PDE4B: variants seen among roughly 807,000 people sequenced by gnomAD.
PDE4B encodes the protein 3',5'-cyclic-AMP phosphodiesterase 4B.
A neutral mutation model predicts 82.2 loss-of-function variants in PDE4B; 20 were observed. That is an observed-to-expected ratio of 0.24 (90% confidence interval 0.17 to 0.35). PDE4B has a LOEUF of 0.35. PDE4B is among the 10% of genes least tolerant of loss of function. PDE4B has a pLI of 1.00. For synonymous variants in PDE4B, 320 were observed against 318.9 expected, an observed-to-expected ratio of 1.00 and a Z score of -0.04; for missense variants, 655 against 907.2, an observed-to-expected ratio of 0.72 and a Z score of 3.57.
At chr1:65,853,873 G>A (rs1394421936) in intron 1 of PDE4B, among the ~76,000 whole-genome samples, 1 of 152,086 alleles carries the variant, frequency 6.6e-6, no homozygotes, top group Non-Finnish European at 1.5e-5. Context: ...CTCAATCTGA[G>A]TTTGAAGGCA....
At chr1:66,220,739 G>A (rs1650913341) in intron 3 of PDE4B, among the ~76,000 whole-genome samples, 1 of 152,056 alleles carries the variant, frequency 6.6e-6, no homozygotes, top group Non-Finnish European at 1.5e-5. Flanking sequence ...GCTTTAGAAA[G>A]GTGCCTTAAA....
At chr1:66,342,536 A>G (rs1228797479) in intron 8 of PDE4B, among the ~76,000 whole-genome samples, 4 of 148,022 alleles carry the variant, frequency 2.7e-5, no homozygotes, top group African/African-American at 7.5e-5. Flanking sequence ...ATGATGAAAT[A>G]CTGTCTCTAA....
chr1:66,346,999 A>G (rs534987370), intron 8 of PDE4B, among the ~76,000 whole-genome samples: 1 of 152,290 alleles, frequency 6.6e-6, no homozygotes, highest in African/African-American at 2.4e-5. Flanking sequence ...TTCCAGACTC[A>G]GTTGAATTCT....
intron 9 of PDE4B, among the ~76,000 whole-genome samples, chr1:66,359,224 A>G (rs946695595): frequency 2.0e-5 from 3 of 152,254 alleles, no homozygotes; most frequent in Non-Finnish European, 4.4e-5. Flanking sequence ...GGAATTTTGC[A>G]TAATTGAAAA....
At chr1:66,031,373 G>A (rs1653766905) in intron 3 of PDE4B, among the ~76,000 whole-genome samples, 1 of 152,198 alleles carries the variant, frequency 6.6e-6, no homozygotes, top group South Asian at 2.1e-4. Context: ...GTCAAGGAAG[G>A]AAAGTGATTC....
intron 1 of PDE4B, among the ~76,000 whole-genome samples, chr1:65,838,541 GTATATATGTA>G (rs929589921): frequency 1.4e-5 from 2 of 138,874 alleles, no homozygotes; most frequent in Admixed American, 7.1e-5. Flanking sequence ...ATATGTATGT[GTATATATGTA>G]TATATATGTA....
In PDE4B at chr1:65,983,420, C is replaced by A. The variant is rs535436717; in HGVS notation, c.281+64585C>A. Among the ~76,000 whole-genome samples, 7 of 152,150 alleles carry A rather than the reference C, an allele frequency of 4.6e-5. No homozygotes were observed. In the South Asian group the frequency reaches 1.5e-3, roughly 32 times the overall value. On this transcript the variant is annotated intron_variant, in intron 3 of 16. Coordinates refer to ENST00000341517, the MANE Select transcript of PDE4B (RefSeq NM_002600.4). ...AGGATGGACGTTTATGGGTTTGTGT[C>A]CTCCCCAAATCATATGTTGAAATTC...
chr1:66,109,632 C>T (rs1482922429), intron 3 of PDE4B, among the ~76,000 whole-genome samples: 1 of 151,796 alleles, frequency 6.6e-6, no homozygotes, highest in African/African-American at 2.4e-5. Flanking sequence ...TAGCTCATAG[C>T]CCTATTCTGG....
At chr1:66,188,645 C>G (rs1647416121) in intron 3 of PDE4B, among the ~76,000 whole-genome samples, 1 of 151,692 alleles carries the variant, frequency 6.6e-6, no homozygotes, top group South Asian at 2.1e-4. Context: ...TTATCAGAGA[C>G]TAGGATTGCA....
intron 4 of PDE4B, among the ~76,000 whole-genome samples, chr1:66,252,407 A>T (rs948981319): frequency 3.3e-5 from 5 of 152,224 alleles, no homozygotes; most frequent in African/African-American, 1.2e-4. Context: ...TCCTAAGTTG[A>T]AAATGCATTT....
At chr1:65,952,272 C>T (rs891855560) in intron 3 of PDE4B, among the ~76,000 whole-genome samples, 6 of 152,106 alleles carry the variant, frequency 3.9e-5, no homozygotes, top group Non-Finnish European at 7.4e-5. Flanking sequence ...TCCTCCTCAA[C>T]TTAGCACTTT....
chr1:65,978,666 A>T (rs1184676111), intron 3 of PDE4B, among the ~76,000 whole-genome samples: 1 of 152,188 alleles, frequency 6.6e-6, no homozygotes, highest in African/African-American at 2.4e-5. Flanking sequence ...ACTGTTTAGG[A>T]AATATGTTAT....
chr1:65,951,229 G>A (rs777426127), intron 3 of PDE4B, among the ~76,000 whole-genome samples: 7 of 152,100 alleles, frequency 4.6e-5, no homozygotes, highest in African/African-American at 9.7e-5. Flanking sequence ...CAGATACGTT[G>A]TCACATTCAG....
At chr1:66,231,851 G>A (rs1029562943) in intron 3 of PDE4B, among the ~76,000 whole-genome samples, 16 of 152,166 alleles carry the variant, frequency 1.1e-4, no homozygotes, top group Admixed American at 9.8e-4. Context: ...AGCCTATCAC[G>A]GTGATTCAGG....
chr1:66,248,901 T>G (rs6664618), intron 4 of PDE4B, among the ~76,000 whole-genome samples: 58,584 of 152,076 alleles, frequency 0.39, 14,497 homozygotes, highest in Non-Finnish European at 0.55. Context: ...GGTGTCTTTA[T>G]TATCCCCACT....
chr1:66,227,453 T>G (rs1339931964), intron 3 of PDE4B, among the ~76,000 whole-genome samples: 2 of 152,202 alleles, frequency 1.3e-5, no homozygotes, highest in African/African-American at 4.8e-5. Flanking sequence ...GATTAAATAA[T>G]GATATATGCA....
intron 3 of PDE4B, among the ~76,000 whole-genome samples, chr1:66,152,705 T>C (rs970206519): frequency 1.3e-5 from 2 of 151,166 alleles, no homozygotes; most frequent in African/African-American, 4.9e-5. Context: ...CTCACATAGT[T>C]GTGGGATCTG....
intron 6 of PDE4B, among the ~76,000 whole-genome samples, chr1:66,262,578 A>C (rs1414347408): frequency 6.6e-6 from 1 of 152,232 alleles, no homozygotes; most frequent in Non-Finnish European, 1.5e-5. Context: ...TCCATAAGTT[A>C]CGGACTTTGG....
intron 3 of PDE4B, among the ~76,000 whole-genome samples, chr1:66,089,582 G>C (rs953722449): frequency 6.6e-6 from 1 of 151,886 alleles, no homozygotes; most frequent in African/African-American, 2.4e-5. Context: ...TTGTTTCTGA[G>C]GATACAGAGG....
Sources: allele counts gnomAD v4.1 joint callset (sites outside exome capture counted in the v4.1 genomes callset), GRCh38; gene constraint gnomAD v4.1.1; transcripts MANE v1.5; gene names NCBI Gene and HGNC (gene_info 2026-07-23, HGNC 2026-07-21).